Variants in RAB2B observed in about 807,000 individuals in gnomAD.
The protein encoded by RAB2B is RAB2B, member RAS oncogene family.
Under a neutral mutation model 29.8 loss-of-function variants are expected in RAB2B, and 20 were observed. The observed-to-expected ratio is 0.67, with a 90% CI of 0.47 to 0.97. RAB2B has a LOEUF of 0.97. RAB2B is among the 50% of genes least tolerant of loss of function. The pLI is 0.00. For missense variants in RAB2B, 218 were observed against 272.0 expected, an observed-to-expected ratio of 0.80 and a Z score of 1.40; for synonymous variants, 93 against 91.7, an observed-to-expected ratio of 1.01 and a Z score of -0.08.
intron 1 of RAB2B, 55 bp downstream of exon 1, chr14:21,476,772 T>G: frequency 5.1e-6 from 6 of 1,184,560 alleles, no homozygotes; most frequent in African/African-American, 1.9e-5. Context: ...CGCCACCCAA[T>G]TTGGGAGCTT....
At position 21,476,863 on chromosome 14, in the gene RAB2B, C is replaced by G. The variant is rs1330580863; in HGVS notation, c.10G>C (p.Ala4Pro). 6.2e-7 allele frequency: 1 copy of G among 1,613,528 alleles called. No homozygotes were observed. The highest frequency in any genetic ancestry group is 1.7e-5 in the Admixed American group (1 of 60,024). ...ATGATGATATACTTGAAGAGATAAG[C>G]ATAAGTCATGGTGTCGCGTCCTCTG... is the stretch of plus-strand genomic sequence containing the variant. MTY[A>P]YLFKYIIIGD... is the part of the protein sequence containing the mutation. The change falls in exon 1 of 8, where the codon GCT (alanine) becomes CCT (proline). Residue 4 changes from alanine (A) to proline (P), a missense_variant. Coordinates refer to ENST00000397762, the MANE Select transcript of RAB2B (RefSeq NM_032846.4).
chr14:21,476,927 C>A lies in RAB2B; in HGVS notation c.-55G>T. 1 of 1,580,268 alleles carries A rather than the reference C, an allele frequency of 6.3e-7. No individual in the cohort carries two copies. Among genetic ancestry groups the A allele is most frequent in the Non-Finnish European group, 8.7e-7 (1 of 1,152,042 alleles). On this transcript the variant is annotated 5_prime_UTR_variant, in exon 1 of 8. Coordinates refer to ENST00000397762, the MANE Select transcript of RAB2B (RefSeq NM_032846.4). ...CCCGACTTCTATAGCCACTTACCTC[C>A]GACCTCTCTAGCCACTCAATCTACC...
chr14:21,468,287 T>C (rs1890729404), intron 5 of RAB2B, 70 bp downstream of exon 5: 1 of 1,237,170 alleles, frequency 8.1e-7, no homozygotes, highest in Non-Finnish European at 1.2e-6. Context: ...CTGAGAAAGT[T>C]TGGGGATCAA....
chr14:21,475,741 C>A (rs1222870949), intron 2 of RAB2B, among the ~76,000 whole-genome samples: 1 of 152,170 alleles, frequency 6.6e-6, no homozygotes, highest in Non-Finnish European at 1.5e-5. Flanking sequence ...TTAGTTGATA[C>A]TGCCAAATCC....
chr14:21,474,846 T>G, intron 3 of RAB2B, 21 bp downstream of exon 3: 1 of 1,599,358 alleles, frequency 6.3e-7, no homozygotes, highest in East Asian at 2.2e-5. Flanking sequence ...GGTCAGAGAC[T>G]AAATTATTTT....
At chr14:21,474,561 C>A in intron 3 of RAB2B, 1 of 300,928 alleles carries the variant, frequency 3.3e-6, no homozygotes, top group Non-Finnish European at 6.3e-6. Flanking sequence ...GCTAGAGTAC[C>A]AACCAAGATG....
intron 6 of RAB2B, 61 bp from the exon 7 acceptor site, chr14:21,462,479 G>T: frequency 7.2e-7 from 1 of 1,382,682 alleles, no homozygotes; most frequent in Non-Finnish European, 1.0e-6. Context: ...GAGGGAAAGA[G>T]AATATTAATT....
chr14:21,474,961 T>G, intron 2 of RAB2B, 27 bp from the exon 3 acceptor site: 1 of 1,604,936 alleles, frequency 6.2e-7, no homozygotes, highest in East Asian at 2.2e-5. Context: ...AGAGAAAGAA[T>G]GTGATTCTCA....
chr14:21,474,573 G>T (rs1890901709), intron 3 of RAB2B: 1 of 321,456 alleles, frequency 3.1e-6, no homozygotes, highest in Non-Finnish European at 5.8e-6. Context: ...ACCAAGATGG[G>T]AAGGGAGAAA....
At chr14:21,474,784 C>G in intron 3 of RAB2B, 83 bp downstream of exon 3, 1 of 1,100,542 alleles carries the variant, frequency 9.1e-7, no homozygotes, top group Non-Finnish European at 1.4e-6. Flanking sequence ...ATTAGTTCCA[C>G]CCTCATCGCC....
chr14:21,461,288 T>A lies in RAB2B; in HGVS notation c.559A>T (p.Ile187Phe). 4.3e-6 allele frequency: 7 copies of A among 1,613,028 alleles called. No homozygotes were observed. Among genetic ancestry groups the A allele is most frequent in the Non-Finnish European group, 5.9e-6 (7 of 1,179,446 alleles). The change falls in exon 8 of 8, where the codon ATT becomes TTT. Residue 187 changes from isoleucine (I) to phenylalanine (F), a missense_variant. Transcript: ENST00000397762. ...DVHNEANGIK[I>F]GPQQSISTSV... is the part of the protein sequence containing the mutation. The stretch of plus-strand genomic sequence containing the variant: ...GTTGAAATTGACTGTTGGGGCCCAA[T>A]CTTGATGCCATTTGCCTGTAAAAGA...
intron 7 of RAB2B, 91 bp from the exon 8 acceptor site, chr14:21,461,394 A>G: frequency 1.3e-6 from 1 of 787,370 alleles, no homozygotes; most frequent in Non-Finnish European, 2.0e-6. Context: ...CCCAGGGTAG[A>G]AAGAAAACAG....
chr14:21,463,147 C>G (rs1312823453), intron 6 of RAB2B, among the ~76,000 whole-genome samples: 1 of 151,766 alleles, frequency 6.6e-6, no homozygotes, highest in Non-Finnish European at 1.5e-5. Context: ...TAATGTTACC[C>G]AAAGCAAAAG....
chr14:21,463,517 G>A (rs1890615786), intron 6 of RAB2B, 139 bp downstream of exon 6: 5 of 644,390 alleles, frequency 7.8e-6, no homozygotes. Context: ...AAAACGCTAG[G>A]ATTACAGGCA....
In RAB2B at chr14:21,461,205, G is replaced by A; in HGVS notation, c.642C>T (p.Gly214=). The A allele has an allele frequency of 6.2e-7, 1 of 1,610,610 alleles. No homozygotes were observed. The highest frequency in any genetic ancestry group is 8.5e-7 in the Non-Finnish European group (1 of 1,177,980). Reference sequence around the variant, plus strand: ...AGTTCAAGCCAGATGTTCAGCAGCAGCCAGAGTTGGACCCTATGTCACGAG... The same window carrying A: ...AGTTCAAGCCAGATGTTCAGCAGCAACCAGAGTTGGACCCTATGTCACGAG... ...RNSRDIGSNS[G]CC The change falls in exon 8 of 8, where the codon GGC becomes GGT. Residue 214 remains glycine (G), a synonymous_variant. Coordinates refer to ENST00000397762, the MANE Select transcript of RAB2B (RefSeq NM_032846.4).
intron 6 of RAB2B, among the ~76,000 whole-genome samples, 183 bp from the exon 7 acceptor site, chr14:21,462,601 A>G (rs1246159374): frequency 6.6e-6 from 1 of 152,108 alleles, no homozygotes; most frequent in Non-Finnish European, 1.5e-5. Context: ...GCACTTTGGG[A>G]GGCCGAGGCG....
At chr14:21,475,750 C>T (rs932834532) in intron 2 of RAB2B, among the ~76,000 whole-genome samples, 1 of 152,164 alleles carries the variant, frequency 6.6e-6, no homozygotes, top group Non-Finnish European at 1.5e-5. Flanking sequence ...ACTGCCAAAT[C>T]CTTTTCTAAC....
chr14:21,469,363 ACCTAGATGTC>A (rs1890754677), intron 3 of RAB2B, among the ~76,000 whole-genome samples: 1 of 152,208 alleles, frequency 6.6e-6, no homozygotes, highest in Non-Finnish European at 1.5e-5. Context: ...ATGCAAGACT[ACCTAGATGTC>A]CCTTGCTGGG....
chr14:21,471,345 C>T (rs563954954), intron 3 of RAB2B, among the ~76,000 whole-genome samples: 1 of 149,628 alleles, frequency 6.7e-6, no homozygotes, highest in African/African-American at 2.5e-5. Context: ...GGCTGGGCAC[C>T]GTGGGTCATG....
Sources: allele counts gnomAD v4.1 joint callset (sites outside exome capture counted in the v4.1 genomes callset), GRCh38; gene constraint gnomAD v4.1.1; transcripts MANE v1.5; gene names NCBI Gene and HGNC (gene_info 2026-07-23, HGNC 2026-07-21).